PKHD1: variants seen among roughly 807,000 people sequenced by gnomAD.
PKHD1 encodes PKHD1 ciliary IPT domain containing fibrocystin/polyductin, also known as fibrocystin.
PKHD1 carries 291 observed loss-of-function variants against 412.0 expected under a neutral mutation model. The observed-to-expected ratio is 0.71, with a 90% CI of 0.64 to 0.78. PKHD1 has a LOEUF of 0.78. Among genes scored for constraint, PKHD1 ranks in the 30% least tolerant of loss-of-function variants. The probability of loss-of-function intolerance (pLI) is 0.00; values close to 1 mark genes in which losing one functional copy is unlikely to be tolerated. For synonymous variants in PKHD1, 1,777 were observed against 1,821.5 expected (o/e 0.98, Z 0.62); for missense variants, 4,825 against 4,950.7 (o/e 0.97, Z 0.76).
Position 52,083,200 on chromosome 6 carries a change from C to T in PKHD1, c.108G>A (p.Thr36=), listed in dbSNP as rs779123303. 1.9e-5 allele frequency: 30 copies of T among 1,610,052 alleles called. No homozygotes were observed. Among genetic ancestry groups the T allele is most frequent in the African/African-American group, 2.7e-5 (2 of 74,840 alleles). ...TACCATCAAAAATGACTGTGATCCA[C>T]GTTCCCCCTGCAAGGCTACCTTCTT... The part of the protein sequence containing the change: ...EPEEGSLAGG[T]WITVIFDGLE... Residue 36 remains threonine (T), a synonymous_variant, in exon 3 of 67, where the codon ACG becomes ACA. Transcript: ENST00000371117.
rs201769990 is a variant in PKHD1 at position 52,026,006 on chromosome 6, G to T, written c.3804C>A (p.Ala1268=). The change falls in exon 32 of 67, where the codon GCC becomes GCA. Residue 1268 remains alanine, a synonymous_variant. Transcript: ENST00000371117. ...PDAGAPTVPA[A]VEVWAGNRFF... ...ACCTGTTGCCAGCCCAGACCTCCACGGCAGCTGGAACAGTGGGAGCGCCCG... is the reference window on the plus strand; with the variant it reads ...ACCTGTTGCCAGCCCAGACCTCCACTGCAGCTGGAACAGTGGGAGCGCCCG... The T allele has an allele frequency of 1.2e-6, 2 of 1,614,106 alleles. No homozygotes were observed. Among genetic ancestry groups the T allele is most frequent in the East Asian group, 2.2e-5 (1 of 44,884 alleles).
intron 60 of PKHD1, among the ~76,000 whole-genome samples, chr6:51,703,138 T>G (rs1232484051): frequency 6.6e-6 from 1 of 152,054 alleles, no homozygotes; most frequent in Non-Finnish European, 1.5e-5. Flanking sequence ...GATGAAGGAC[T>G]TATGAAAATA....
intron 13 of PKHD1, among the ~76,000 whole-genome samples, chr6:52,063,042 T>A (rs967868975): frequency 6.6e-6 from 1 of 152,136 alleles, no homozygotes; most frequent in African/African-American, 2.4e-5. Context: ...GGCTTCAGTA[T>A]CTTTTAAGTC....
At chr6:51,712,736 C>T (rs555099549) in intron 60 of PKHD1, among the ~76,000 whole-genome samples, 5 of 152,250 alleles carry the variant, frequency 3.3e-5, no homozygotes, top group South Asian at 4.1e-4. Flanking sequence ...CCTAGCCCTG[C>T]GATCAAGCAA....
chr6:52,021,839 C>T (rs1209333010), intron 33 of PKHD1, among the ~76,000 whole-genome samples: 1 of 152,116 alleles, frequency 6.6e-6, no homozygotes, highest in Non-Finnish European at 1.5e-5. Flanking sequence ...CATTATCCAT[C>T]ATTAAATTCT....
intron 27 of PKHD1, among the ~76,000 whole-genome samples, chr6:52,039,110 C>T (rs1218841910): frequency 1.3e-5 from 2 of 152,006 alleles, no homozygotes; most frequent in Non-Finnish European, 2.9e-5. Context: ...TATAAATGGC[C>T]AATAAGCACA....
chr6:51,963,423 T>C (rs1182663373), intron 35 of PKHD1, among the ~76,000 whole-genome samples: 1 of 152,160 alleles, frequency 6.6e-6, no homozygotes, highest in African/African-American at 2.4e-5. Flanking sequence ...AAATGTTTAT[T>C]GATGTACTCA....
intron 39 of PKHD1, among the ~76,000 whole-genome samples, chr6:51,910,975 C>T (rs1405101865): frequency 6.6e-6 from 1 of 152,060 alleles, no homozygotes; most frequent in Non-Finnish European, 1.5e-5. Context: ...AGGCTCCACA[C>T]ATTACCAGAC....
At chr6:51,631,441 G>C (rs1767908386) in intron 65 of PKHD1, among the ~76,000 whole-genome samples, 1 of 152,168 alleles carries the variant, frequency 6.6e-6, no homozygotes, top group South Asian at 2.1e-4. Flanking sequence ...AATGTATCCA[G>C]TGGAGCCTCC....
chr6:52,084,807 TA>T, intron 2 of PKHD1, 74 bp downstream of exon 2: 1 of 965,290 alleles, frequency 1.0e-6, no homozygotes, highest in East Asian at 2.4e-5. Context: ...AATATTACTT[TA>T]AGTTTCAATA....
chr6:51,746,314 C>T (rs1009023473), intron 59 of PKHD1, among the ~76,000 whole-genome samples: 1 of 152,146 alleles, frequency 6.6e-6, no homozygotes, highest in African/African-American at 2.4e-5. Context: ...ACACTTTACT[C>T]CAATGAAGAA....
At chr6:52,044,885 T>A (rs1805529579) in intron 25 of PKHD1, 81 bp downstream of exon 25, 1 of 1,507,560 alleles carries the variant, frequency 6.6e-7, no homozygotes, top group Non-Finnish European at 9.2e-7. Context: ...GCTAAATCAA[T>A]GAGTCCATGT....
intron 35 of PKHD1, among the ~76,000 whole-genome samples, chr6:51,997,432 C>A (rs142918699): frequency 1.2e-3 from 180 of 152,160 alleles, no homozygotes; most frequent in Non-Finnish European, 1.6e-3. Flanking sequence ...GTCTTCATAA[C>A]AAATTTTTTT....
chr6:51,690,403 C>A (rs1442553825), intron 60 of PKHD1, among the ~76,000 whole-genome samples: 3 of 151,992 alleles, frequency 2.0e-5, no homozygotes, highest in African/African-American at 7.2e-5. Context: ...ATCATGCTAT[C>A]CAACTTCAAA....
chr6:51,835,011 A>C (rs1768943542), intron 51 of PKHD1, among the ~76,000 whole-genome samples: 1 of 152,224 alleles, frequency 6.6e-6, no homozygotes, highest in Admixed American at 6.5e-5. Flanking sequence ...GCAACTGGAT[A>C]GGATAGCCTG....
chr6:52,069,164 CT>C (rs1336283874), intron 11 of PKHD1, among the ~76,000 whole-genome samples: 1 of 152,130 alleles, frequency 6.6e-6, no homozygotes, highest in African/African-American at 2.4e-5. Context: ...TAAGTGCCAC[CT>C]TTTTTCTTTT....
chr6:51,714,952 T>C (rs1428984322), intron 60 of PKHD1, among the ~76,000 whole-genome samples: 1 of 152,058 alleles, frequency 6.6e-6, no homozygotes, highest in Admixed American at 6.6e-5. Flanking sequence ...ATTTTCACAA[T>C]TATTTCCAAT....
chr6:51,739,604 A>G (rs1784303837), intron 60 of PKHD1, among the ~76,000 whole-genome samples: 1 of 152,238 alleles, frequency 6.6e-6, no homozygotes, highest in Non-Finnish European at 1.5e-5. Flanking sequence ...CTACTGGAAC[A>G]TAAGTTTGAT....
At chr6:51,671,453 A>G (rs1166081568) in intron 60 of PKHD1, among the ~76,000 whole-genome samples, 6 of 151,934 alleles carry the variant, frequency 3.9e-5, no homozygotes, top group Non-Finnish European at 5.9e-5. Context: ...ATTCTTCTAA[A>G]CTTTTTTCAA....
Sources: allele counts gnomAD v4.1 joint callset (sites outside exome capture counted in the v4.1 genomes callset), GRCh38; gene constraint gnomAD v4.1.1; transcripts MANE v1.5; gene names NCBI Gene and HGNC (gene_info 2026-07-23, HGNC 2026-07-21).